STK33: variants seen among roughly 807,000 people sequenced by gnomAD.
STK33 encodes serine/threonine-protein kinase 33.
STK33 carries 52 observed loss-of-function variants against 58.0 expected under a neutral mutation model. The ratio of observed to expected loss-of-function variants is 0.90; its 90% CI spans 0.72 to 1.13. STK33 has a LOEUF of 1.13. Ranked by LOEUF, STK33 falls within the 50% of genes most tolerant of loss-of-function variation. The pLI is 0.00. For synonymous variants in STK33, 215 were observed against 200.1 expected (o/e 1.07, Z -0.63); for missense variants, 630 against 604.2 (o/e 1.04, Z -0.45).
At chr11:8,449,941 T>G (rs568113487) in intron 11 of STK33, among the ~76,000 whole-genome samples, 87 of 152,280 alleles carry the variant, frequency 5.7e-4, no homozygotes, top group African/African-American at 2.0e-3. Flanking sequence ...AGGAATGCTT[T>G]TACACCGTTG....
chr11:8,542,439 T>G (rs1310931668), intron 1 of STK33, among the ~76,000 whole-genome samples: 1 of 152,190 alleles, frequency 6.6e-6, no homozygotes, highest in African/African-American at 2.4e-5. Flanking sequence ...GGAAGTGATT[T>G]TGCCTCCCGG....
At chr11:8,505,398 C>T (rs755028235) in intron 1 of STK33, among the ~76,000 whole-genome samples, 12 of 152,172 alleles carry the variant, frequency 7.9e-5, no homozygotes, top group South Asian at 2.1e-4. Context: ...CTGACATTCT[C>T]GGACAGATGT....
intron 11 of STK33, among the ~76,000 whole-genome samples, chr11:8,445,084 T>C (rs1030096638): frequency 6.6e-6 from 1 of 152,248 alleles, no homozygotes; most frequent in Non-Finnish European, 1.5e-5. Context: ...GTAGTTCTCC[T>C]TGAAGAGGTC....
At chr11:8,508,740 A>G (rs1952068528) in intron 1 of STK33, among the ~76,000 whole-genome samples, 1 of 152,176 alleles carries the variant, frequency 6.6e-6, no homozygotes, top group Non-Finnish European at 1.5e-5. Context: ...CTTTAACACA[A>G]TGGAGAATGG....
intron 1 of STK33, among the ~76,000 whole-genome samples, chr11:8,585,939 G>A (rs752444317): frequency 6.6e-5 from 10 of 152,086 alleles, no homozygotes; most frequent in Non-Finnish European, 1.5e-4. Flanking sequence ...TATCATCCCA[G>A]CTACTTGGGA....
At chr11:8,497,212 A>G (rs1951128875) in intron 1 of STK33, among the ~76,000 whole-genome samples, 1 of 152,216 alleles carries the variant, frequency 6.6e-6, no homozygotes, top group African/African-American at 2.4e-5. Context: ...AAAAATTTCT[A>G]CATTTAGTGA....
intron 6 of STK33, among the ~76,000 whole-genome samples, chr11:8,472,754 C>T (rs566366523): frequency 1.6e-4 from 24 of 152,032 alleles, no homozygotes; most frequent in Non-Finnish European, 2.4e-4. Flanking sequence ...TTTATCCAAT[C>T]GCAGGATGGA....
At chr11:8,478,860 T>C (rs2138096584) in intron 2 of STK33, among the ~76,000 whole-genome samples, 1 of 152,296 alleles carries the variant, frequency 6.6e-6, no homozygotes, top group Admixed American at 6.5e-5. Context: ...GTTTTCTAGA[T>C]GATATTGCTA....
chr11:8,392,745 C>T, intron 15 of STK33, 35 bp from the exon 16 acceptor site: 2 of 1,603,114 alleles, frequency 1.2e-6, no homozygotes, highest in Non-Finnish European at 8.5e-7. Flanking sequence ...TTTTCAGACA[C>T]AAAGCAATGC....
intron 1 of STK33, among the ~76,000 whole-genome samples, chr11:8,487,965 C>T (rs902659626): frequency 1.3e-5 from 2 of 152,216 alleles, no homozygotes; most frequent in African/African-American, 2.4e-5. Context: ...CCATCTCTGA[C>T]TCCCTTATCT....
intron 1 of STK33, among the ~76,000 whole-genome samples, chr11:8,498,027 C>CT (rs1448801388): frequency 6.6e-6 from 1 of 152,038 alleles, no homozygotes; most frequent in Non-Finnish European, 1.5e-5. Flanking sequence ...CCAAGTGGAA[C>CT]TGATCTCAGA....
intron 1 of STK33, among the ~76,000 whole-genome samples, chr11:8,575,002 G>A (rs193191850): frequency 9.9e-5 from 15 of 152,128 alleles, no homozygotes; most frequent in East Asian, 7.7e-4. Context: ...CTATAATTGC[G>A]CAACTGCACT....
At chr11:8,565,257 CA>C (rs1957371534) in intron 1 of STK33, among the ~76,000 whole-genome samples, 1 of 152,190 alleles carries the variant, frequency 6.6e-6, no homozygotes. Context: ...GATTTATAGT[CA>C]AAGGTTAAAA....
At chr11:8,454,951 G>A (rs960573205) in intron 9 of STK33, 119 bp from the exon 10 acceptor site, 2 of 1,023,616 alleles carry the variant, frequency 2.0e-6, no homozygotes, top group Admixed American at 4.0e-5. Flanking sequence ...TGAGGGCCAA[G>A]CATAGTCTGT....
intron 1 of STK33, among the ~76,000 whole-genome samples, chr11:8,501,029 T>C (rs909422286): frequency 1.3e-5 from 2 of 152,130 alleles, no homozygotes; most frequent in African/African-American, 2.4e-5. Flanking sequence ...TCTCACACCA[T>C]ATACAAAACT....
At chr11:8,571,006 G>A (rs953634120) in intron 1 of STK33, among the ~76,000 whole-genome samples, 5 of 152,082 alleles carry the variant, frequency 3.3e-5, no homozygotes, top group African/African-American at 1.2e-4. Context: ...ATGATACAAT[G>A]GTTTTTGGAC....
At chr11:8,399,001 C>G (rs1849884859) in intron 15 of STK33, among the ~76,000 whole-genome samples, 1 of 152,150 alleles carries the variant, frequency 6.6e-6, no homozygotes, top group African/African-American at 2.4e-5. Flanking sequence ...GACTTAGACT[C>G]CAACACAATA....
At chr11:8,438,151 A>T (rs990791111) in intron 12 of STK33, among the ~76,000 whole-genome samples, 1 of 152,180 alleles carries the variant, frequency 6.6e-6, no homozygotes, top group African/African-American at 2.4e-5. Flanking sequence ...GCTACATCTT[A>T]AAAAATTCAC....
At chr11:8,541,263 T>C (rs1280219905) in intron 1 of STK33, among the ~76,000 whole-genome samples, 1 of 152,146 alleles carries the variant, frequency 6.6e-6, no homozygotes, top group Non-Finnish European at 1.5e-5. Flanking sequence ...AGGCTTTTCA[T>C]CTCTCCTTTT....
Sources: allele counts gnomAD v4.1 joint callset (sites outside exome capture counted in the v4.1 genomes callset), GRCh38; gene constraint gnomAD v4.1.1; transcripts MANE v1.5; gene names NCBI Gene and HGNC (gene_info 2026-07-23, HGNC 2026-07-21).